Variants in AGBL1 observed in about 807,000 individuals in gnomAD.
The protein encoded by AGBL1 is cytosolic carboxypeptidase 4.
In AGBL1, 130 loss-of-function variants were observed where a neutral mutation model predicts 118.9. That is an observed-to-expected ratio of 1.09 (90% CI 0.95 to 1.26). The LOEUF is 1.26. Among genes scored for constraint, AGBL1 ranks in the 50% most tolerant of loss-of-function variants. The pLI is 0.00. For synonymous variants in AGBL1, 555 were observed against 478.9 expected (o/e 1.16, Z -2.08); for missense variants, 1,584 against 1,298.1 (o/e 1.22, Z -3.38).
intron 5 of AGBL1, among the ~76,000 whole-genome samples, chr15:86,209,558 C>A (rs1230703392): frequency 6.6e-6 from 1 of 152,126 alleles, no homozygotes; most frequent in African/African-American, 2.4e-5. Flanking sequence ...ATCCCTTTAC[C>A]ATTATGCAAT....
At chr15:86,551,748 A>G (rs1022975295) in intron 20 of AGBL1, among the ~76,000 whole-genome samples, 1 of 152,210 alleles carries the variant, frequency 6.6e-6, no homozygotes, top group East Asian at 1.9e-4. Context: ...GGGCATCACA[A>G]GAAAAGACAG....
chr15:86,938,169 G>A (rs1057220727), intron 23 of AGBL1, among the ~76,000 whole-genome samples: 1 of 152,124 alleles, frequency 6.6e-6, no homozygotes, highest in Non-Finnish European at 1.5e-5. Context: ...TTGCTTCTGT[G>A]GGAAGACTTG....
intron 22 of AGBL1, among the ~76,000 whole-genome samples, chr15:86,757,937 A>G (rs1382412244): frequency 1.3e-5 from 2 of 152,118 alleles, no homozygotes; most frequent in African/African-American, 4.8e-5. Flanking sequence ...CACTTTGTAG[A>G]GTTTGTTGTG....
At chr15:86,420,908 G>A (rs1245100748) in intron 18 of AGBL1, among the ~76,000 whole-genome samples, 1 of 152,126 alleles carries the variant, frequency 6.6e-6, no homozygotes, top group Non-Finnish European at 1.5e-5. Flanking sequence ...TGTGATTAGA[G>A]AAAAAAGAAT....
chr15:86,508,766 C>A (rs552213624), intron 18 of AGBL1, among the ~76,000 whole-genome samples: 1 of 152,158 alleles, frequency 6.6e-6, no homozygotes, highest in South Asian at 2.1e-4. Context: ...ATACAAGATG[C>A]AGTACTATCC....
intron 18 of AGBL1, among the ~76,000 whole-genome samples, chr15:86,435,989 T>C (rs1336537548): frequency 6.6e-6 from 1 of 152,154 alleles, no homozygotes; most frequent in Non-Finnish European, 1.5e-5. Context: ...AGTGGTTCAT[T>C]AGTCCAAGGA....
At chr15:86,918,629 T>G (rs145035816), downstream of AGBL1, among the ~76,000 whole-genome samples, 1 of 152,196 alleles carries the variant, frequency 6.6e-6, no homozygotes, top group Non-Finnish European at 1.5e-5. Flanking sequence ...CACGTACCTA[T>G]TAATTTAAAT....
At chr15:86,207,174 C>G (rs1024095553) in intron 5 of AGBL1, among the ~76,000 whole-genome samples, 2 of 152,268 alleles carry the variant, frequency 1.3e-5, no homozygotes, top group East Asian at 3.9e-4. Flanking sequence ...GTCTATCTCT[C>G]TGTTTTGGTA....
intron 6 of AGBL1, among the ~76,000 whole-genome samples, chr15:86,234,536 G>C (rs966501598): frequency 1.5e-5 from 2 of 135,094 alleles, no homozygotes; most frequent in Non-Finnish European, 3.1e-5. Flanking sequence ...GGGCGACAGA[G>C]TGAGACTCTA....
chr15:87,023,975 C>G (rs939063087), intron 24 of AGBL1, among the ~76,000 whole-genome samples: 1 of 151,794 alleles, frequency 6.6e-6, no homozygotes, highest in African/African-American at 2.4e-5. Flanking sequence ...CTCTGAGACA[C>G]AAAAGGCAGT....
chr15:86,967,041 C>G (rs1307001643), intron 23 of AGBL1, among the ~76,000 whole-genome samples: 2 of 152,056 alleles, frequency 1.3e-5, no homozygotes, highest in African/African-American at 4.8e-5. Flanking sequence ...GATGGTATGT[C>G]GTTGTGGTTT....
chr15:86,539,724 G>T (rs568555880), intron 19 of AGBL1, among the ~76,000 whole-genome samples: 3 of 152,180 alleles, frequency 2.0e-5, no homozygotes, highest in East Asian at 1.9e-4. Flanking sequence ...ACTCAGTAAG[G>T]TTCATCTTAT....
intron 22 of AGBL1, among the ~76,000 whole-genome samples, chr15:86,714,948 T>G (rs1015846123): frequency 1.3e-5 from 2 of 152,340 alleles, no homozygotes; most frequent in Admixed American, 1.3e-4. Context: ...TTTAAATTTT[T>G]GGATTATTGA....
At chr15:86,618,082 T>C (rs746990572) in intron 21 of AGBL1, among the ~76,000 whole-genome samples, 10 of 152,156 alleles carry the variant, frequency 6.6e-5, no homozygotes, top group Non-Finnish European at 5.9e-5. Flanking sequence ...ACTGAAGTCT[T>C]GATGGAATAT....
intron 18 of AGBL1, among the ~76,000 whole-genome samples, chr15:86,422,525 A>T (rs1470465349): frequency 6.6e-6 from 1 of 152,220 alleles, no homozygotes; most frequent in South Asian, 2.1e-4. Context: ...AGCTAACATC[A>T]TAATTAAGGA....
chr15:86,559,483 T>C (rs899448701), intron 21 of AGBL1, among the ~76,000 whole-genome samples: 3 of 152,182 alleles, frequency 2.0e-5, no homozygotes, highest in East Asian at 1.9e-4. Flanking sequence ...TCTTGGAACA[T>C]CTTGGAAGAC....
chr15:86,415,826 T>C (rs2081685598), intron 18 of AGBL1, among the ~76,000 whole-genome samples: 1 of 152,210 alleles, frequency 6.6e-6, no homozygotes, highest in Admixed American at 6.5e-5. Context: ...CTGTCATCCA[T>C]TTTGTACACT....
chr15:86,455,816 C>T (rs2082252027), intron 18 of AGBL1, among the ~76,000 whole-genome samples: 1 of 152,056 alleles, frequency 6.6e-6, no homozygotes, highest in African/African-American at 2.4e-5. Context: ...ATTTTTTCCC[C>T]TGAGTTATAG....
In AGBL1 at chr15:86,555,218, C is replaced by A. The variant is rs192985530; in HGVS notation, c.2994+681C>A. ...CCCATAGAGAAGCATAAATAAAGGA[C>A]ATTTTGACAGTGCCAGGGTAATAGA... On this transcript the variant is annotated intron_variant, in intron 21 of 22. Transcript: ENST00000614907. Among the ~76,000 whole-genome samples, 100 of 152,330 alleles carry A rather than the reference C, an allele frequency of 6.6e-4. 1 individual carries two copies. Among genetic ancestry groups the A allele is most frequent in the Middle Eastern group, 6.8e-3 (2 of 294 alleles).
Sources: gnomAD v4.1 joint callset for allele counts (sites outside exome capture counted in the v4.1 genomes callset) on GRCh38, gnomAD v4.1.1 for gene constraint, MANE v1.5 for transcripts, NCBI Gene and HGNC (gene_info 2026-07-23, HGNC 2026-07-21) for gene names.